Variants in FNBP1 observed in about 807,000 individuals in gnomAD.
FNBP1 encodes formin-binding protein 1.
A neutral mutation model predicts 90.6 loss-of-function variants in FNBP1; 26 were observed. That is an observed-to-expected ratio of 0.29 (90% CI 0.21 to 0.40). The LOEUF (loss-of-function observed/expected upper bound fraction) is 0.40, where lower values mean the gene tolerates loss of function less well. FNBP1 is among the 10% of genes least tolerant of loss of function. The pLI is 1.00. For missense variants in FNBP1, 635 were observed against 768.0 expected (o/e 0.83, Z 2.05); for synonymous variants, 260 against 265.2 (o/e 0.98, Z 0.19).
chr9:130,014,623 T>A (rs747675697), intron 1 of FNBP1, among the ~76,000 whole-genome samples: 2 of 152,180 alleles, frequency 1.3e-5, no homozygotes, highest in Non-Finnish European at 2.9e-5. Flanking sequence ...GTACATATTA[T>A]TCTATACATA....
At chr9:130,022,349 C>A (rs1456233293) in intron 1 of FNBP1, among the ~76,000 whole-genome samples, 1 of 151,786 alleles carries the variant, frequency 6.6e-6, no homozygotes, top group East Asian at 1.9e-4. Context: ...GGATTACAGG[C>A]ACGCGCCAAG....
intron 1 of FNBP1, among the ~76,000 whole-genome samples, chr9:130,032,820 A>C (rs1336624571): frequency 6.6e-6 from 1 of 152,168 alleles, no homozygotes; most frequent in Non-Finnish European, 1.5e-5. Context: ...AGAAGGCCCA[A>C]GTATACTGCT....
chr9:130,005,143 G>C (rs1407664080), intron 1 of FNBP1, among the ~76,000 whole-genome samples: 1 of 150,336 alleles, frequency 6.7e-6, no homozygotes, highest in South Asian at 2.1e-4. Flanking sequence ...GGCTGAGGCA[G>C]GAGAATCACT....
intron 12 of FNBP1, among the ~76,000 whole-genome samples, chr9:129,907,396 A>T (rs2038306155): frequency 6.6e-6 from 1 of 152,166 alleles, no homozygotes; most frequent in Non-Finnish European, 1.5e-5. Flanking sequence ...ATGCACACTG[A>T]CACATCAGCA....
intron 9 of FNBP1, among the ~76,000 whole-genome samples, chr9:129,924,669 C>G (rs1458631847): frequency 1.3e-5 from 2 of 152,044 alleles, no homozygotes; most frequent in African/African-American, 4.8e-5. Flanking sequence ...CCAAGGTAAC[C>G]AGCAGTCTAG....
chr9:129,934,813 C>T (rs1054186508), intron 6 of FNBP1, among the ~76,000 whole-genome samples: 2 of 152,070 alleles, frequency 1.3e-5, no homozygotes, highest in African/African-American at 4.8e-5. Context: ...CTCAAGTGAT[C>T]TGCCTGCCTC....
intron 2 of FNBP1, among the ~76,000 whole-genome samples, chr9:129,992,104 G>A (rs2053257134): frequency 6.6e-6 from 1 of 152,150 alleles, no homozygotes; most frequent in African/African-American, 2.4e-5. Flanking sequence ...CACCAGGAGA[G>A]TACAGACTGG....
At chr9:129,923,271 CA>C (rs2041368401) in intron 10 of FNBP1, among the ~76,000 whole-genome samples, 1 of 151,678 alleles carries the variant, frequency 6.6e-6, no homozygotes, top group Non-Finnish European at 1.5e-5. Flanking sequence ...AAAGTCCTTC[CA>C]AAATGTACTA....
intron 12 of FNBP1, among the ~76,000 whole-genome samples, chr9:129,908,406 T>C (rs1428795604): frequency 1.3e-5 from 2 of 150,258 alleles, no homozygotes; most frequent in African/African-American, 4.9e-5. Context: ...GTTTTTGCTA[T>C]GTTGCCTGGG....
At chr9:129,976,497 T>G (rs2050327426) in intron 4 of FNBP1, among the ~76,000 whole-genome samples, 1 of 152,206 alleles carries the variant, frequency 6.6e-6, no homozygotes, top group Non-Finnish European at 1.5e-5. Context: ...TCTTCCTAAC[T>G]TTTAAACCTA....
intron 16 of FNBP1, among the ~76,000 whole-genome samples, chr9:129,891,154 T>C (rs7868370): frequency 0.47 from 67,373 of 144,736 alleles, 16,544 homozygotes; most frequent in African/African-American, 0.52. Flanking sequence ...GACTCCGTCT[T>C]AAAAAAAAAA....
chr9:130,049,616 G>A, the FNBP1 span, among the ~76,000 whole-genome samples: 1 of 151,882 alleles, frequency 6.6e-6, no homozygotes, highest in African/African-American at 2.4e-5. Flanking sequence ...CAGTAGGATC[G>A]CTTGAGCCTG....
chr9:129,897,497 T>G (rs1230588480), intron 15 of FNBP1, among the ~76,000 whole-genome samples: 1 of 152,222 alleles, frequency 6.6e-6, no homozygotes, highest in Admixed American at 6.5e-5. Flanking sequence ...TCTGTAAAAT[T>G]TATTTATCCC....
chr9:129,987,323 C>T (rs111643103), intron 2 of FNBP1, among the ~76,000 whole-genome samples: 54 of 152,132 alleles, frequency 3.5e-4, no homozygotes, highest in African/African-American at 1.2e-3. Flanking sequence ...GATGACTCTA[C>T]GTTCAAATAT....
intron 1 of FNBP1, among the ~76,000 whole-genome samples, chr9:130,038,528 C>T (rs2059552265): frequency 6.6e-6 from 1 of 151,224 alleles, no homozygotes; most frequent in African/African-American, 2.4e-5. Context: ...TCCCGAGTAG[C>T]TGGGATTACC....
chr9:130,025,234 C>G (rs1051743820), intron 1 of FNBP1, among the ~76,000 whole-genome samples: 3 of 151,998 alleles, frequency 2.0e-5, no homozygotes, highest in Non-Finnish European at 2.9e-5. Flanking sequence ...CCAAGACATT[C>G]AATCTATGTA....
intron 6 of FNBP1, among the ~76,000 whole-genome samples, chr9:129,949,678 T>C (rs979218052): frequency 3.4e-5 from 5 of 149,142 alleles, no homozygotes; most frequent in Admixed American, 6.7e-5. Flanking sequence ...CTGGGCAACA[T>C]AGCAAAACCT....
intron 1 of FNBP1, among the ~76,000 whole-genome samples, chr9:130,013,190 G>A (rs1421185559): frequency 6.6e-6 from 1 of 151,722 alleles, no homozygotes; most frequent in Non-Finnish European, 1.5e-5. Flanking sequence ...ATGTTGCCCA[G>A]GCTGGTCTTG....
At chr9:130,021,924 C>T (rs1425990367) in intron 1 of FNBP1, among the ~76,000 whole-genome samples, 1 of 152,124 alleles carries the variant, frequency 6.6e-6, no homozygotes, top group Non-Finnish European at 1.5e-5. Flanking sequence ...TGTAGTGGTG[C>T]TATCTTGGCT....
Sources: gnomAD v4.1 joint callset for allele counts (sites outside exome capture counted in the v4.1 genomes callset) on GRCh38, gnomAD v4.1.1 for gene constraint, MANE v1.5 for transcripts, NCBI Gene and HGNC (gene_info 2026-07-23, HGNC 2026-07-21) for gene names.